The following CREB5 variants were observed in gnomAD, a reference collection of about 807,000 sequenced individuals.
CREB5 encodes cAMP responsive element binding protein 5, also known as cyclic AMP-responsive element-binding protein 5.
In CREB5, 19 loss-of-function variants were observed where a neutral mutation model predicts 57.1. The ratio of observed to expected loss-of-function variants is 0.33; its 90% CI spans 0.23 to 0.49. The LOEUF (loss-of-function observed/expected upper bound fraction) is 0.49. Among genes scored for constraint, CREB5 ranks in the 20% least tolerant of loss-of-function variants. The pLI, the probability that CREB5 is intolerant of heterozygous loss-of-function variation, is 0.99. For synonymous variants in CREB5, 238 were observed against 238.3 expected, an observed-to-expected ratio of 1.00 and a Z score of 0.01; for missense variants, 579 against 671.6, an observed-to-expected ratio of 0.86 and a Z score of 1.52.
chr7:28,786,583 C>T (rs1402760510), intron 7 of CREB5, among the ~76,000 whole-genome samples: 2 of 152,102 alleles, frequency 1.3e-5, no homozygotes, highest in African/African-American at 4.8e-5. Flanking sequence ...TGAATATTTC[C>T]AGGCCCCTCT....
chr7:28,562,407 T>A (rs1795311416), intron 4 of CREB5, among the ~76,000 whole-genome samples: 1 of 152,230 alleles, frequency 6.6e-6, no homozygotes, highest in Non-Finnish European at 1.5e-5. Flanking sequence ...CTCACAGGGA[T>A]GGTTCAGAGC....
At chr7:28,630,495 G>GA (rs1798161429) in intron 5 of CREB5, among the ~76,000 whole-genome samples, 1 of 152,074 alleles carries the variant, frequency 6.6e-6, no homozygotes, top group African/African-American at 2.4e-5. Flanking sequence ...ACCGAGTGCT[G>GA]AAAAAAACAT....
intron 5 of CREB5, among the ~76,000 whole-genome samples, chr7:28,691,654 C>T (rs34729015): frequency 0.11 from 16,052 of 152,008 alleles, 1,105 homozygotes; most frequent in South Asian, 0.2. Context: ...CCAAGAGGCA[C>T]CTTGAGAGTT....
chr7:28,460,076 T>C (rs1488716831), intron 1 of CREB5, among the ~76,000 whole-genome samples: 1 of 152,220 alleles, frequency 6.6e-6, no homozygotes, highest in East Asian at 1.9e-4. Context: ...TGTAATGAGA[T>C]GTATGAAGAC....
intron 7 of CREB5, chr7:28,749,435 C>T (rs1804856016): frequency 3.3e-5 from 5 of 152,180 alleles, no homozygotes; most frequent in Admixed American, 3.3e-4. Context: ...TGCTGCAAAC[C>T]CATTGAGTGG....
intron 1 of CREB5, among the ~76,000 whole-genome samples, chr7:28,383,668 A>G (rs1787014274): frequency 6.6e-6 from 1 of 152,130 alleles, no homozygotes; most frequent in African/African-American, 2.4e-5. Context: ...TACAGCATCA[A>G]GGCGATGGTG....
chr7:28,386,065 A>G (rs892951570), intron 1 of CREB5, among the ~76,000 whole-genome samples: 1 of 152,170 alleles, frequency 6.6e-6, no homozygotes, highest in Non-Finnish European at 1.5e-5. Context: ...CTTTTTTCAC[A>G]TTCCCAATTT....
chr7:28,543,578 TAAAA>T lies in CREB5; in HGVS notation c.292-26767_292-26764del, dbSNP rs34533813. 4.3e-5 allele frequency among the ~76,000 whole-genome samples: 4 copies of T among 92,314 alleles called. No homozygotes were observed. The East Asian group carries it at 8.6e-4, about 20-fold the overall frequency. The allele number at this position is 92,314 out of a possible 152,430, so 60.6% of individuals were successfully genotyped here. Reference sequence around the variant, plus strand: ...TCTGTCTTTCAAATATCATTTTAGGTAAAAAAAAAAAAAAAAAAAAAAAGTGTGA... The same window carrying T: ...TCTGTCTTTCAAATATCATTTTAGGTAAAAAAAAAAAAAAAAAAAGTGTGA... On this transcript the variant is annotated intron_variant, in intron 4 of 10. Coordinates refer to ENST00000357727, the MANE Select transcript of CREB5 (RefSeq NM_182898.4).
At chr7:28,638,419 C>T (rs1464524495) in intron 5 of CREB5, among the ~76,000 whole-genome samples, 1 of 151,184 alleles carries the variant, frequency 6.6e-6, no homozygotes, top group Non-Finnish European at 1.5e-5. Context: ...AATCACAGCT[C>T]ACTCCAACCT....
chr7:28,790,472 G>GAA (rs1374276649), intron 7 of CREB5, among the ~76,000 whole-genome samples: 42 of 124,954 alleles, frequency 3.4e-4, no homozygotes, highest in South Asian at 1.9e-3. Flanking sequence ...TAGAGAGAGA[G>GAA]AGAAAGAAAG....
At chr7:28,354,329 G>A (rs368495360) in intron 1 of CREB5, among the ~76,000 whole-genome samples, 269 of 152,262 alleles carry the variant, frequency 1.8e-3, no homozygotes, top group South Asian at 4.6e-3. Flanking sequence ...AGCTGCCAGC[G>A]CAGCCAGGAT....
chr7:28,730,329 G>A (rs949080680), intron 7 of CREB5, among the ~76,000 whole-genome samples: 2 of 151,070 alleles, frequency 1.3e-5, no homozygotes, highest in Non-Finnish European at 2.9e-5. Context: ...AACTAGGACT[G>A]CAGATGCGCC....
At chr7:28,340,830 C>A (rs1344904904) in intron 1 of CREB5, among the ~76,000 whole-genome samples, 9 of 152,156 alleles carry the variant, frequency 5.9e-5, no homozygotes, top group Non-Finnish European at 1.2e-4. Context: ...ATGGGTGATT[C>A]CCCTCTGGCT....
At chr7:28,717,642 C>A (rs569258419) in intron 5 of CREB5, among the ~76,000 whole-genome samples, 1 of 152,142 alleles carries the variant, frequency 6.6e-6, no homozygotes, top group Non-Finnish European at 1.5e-5. Flanking sequence ...GCAACCTTTG[C>A]CCAGCACTTA....
chr7:28,764,581 C>A (rs1412326725), intron 7 of CREB5, among the ~76,000 whole-genome samples: 1 of 152,110 alleles, frequency 6.6e-6, no homozygotes, highest in Non-Finnish European at 1.5e-5. Flanking sequence ...GAAAGAAAGT[C>A]TGAGCTATAA....
At chr7:28,718,265 G>T (rs1414810673) in intron 5 of CREB5, among the ~76,000 whole-genome samples, 1 of 152,226 alleles carries the variant, frequency 6.6e-6, no homozygotes, top group Non-Finnish European at 1.5e-5. Context: ...ACAGATTTCT[G>T]TTGGGAATTC....
intron 4 of CREB5, among the ~76,000 whole-genome samples, chr7:28,547,039 T>A (rs1794449814): frequency 6.6e-6 from 1 of 152,250 alleles, no homozygotes; most frequent in Non-Finnish European, 1.5e-5. Context: ...TAGAATATAT[T>A]TGTTACTTGA....
chr7:28,726,891 G>A (rs755577737), intron 7 of CREB5, among the ~76,000 whole-genome samples: 6 of 152,056 alleles, frequency 3.9e-5, no homozygotes, highest in Admixed American at 1.3e-4. Flanking sequence ...AATCTCTGGC[G>A]AAACTTGGAG....
At chr7:28,393,379 C>T (rs1286307516) in intron 1 of CREB5, among the ~76,000 whole-genome samples, 2 of 152,192 alleles carry the variant, frequency 1.3e-5, no homozygotes, top group African/African-American at 4.8e-5. Context: ...TCTCTCTGCT[C>T]TATTTCTGCC....
Sources: allele counts gnomAD v4.1 joint callset (sites outside exome capture counted in the v4.1 genomes callset), GRCh38; gene constraint gnomAD v4.1.1; transcripts MANE v1.5; gene names NCBI Gene and HGNC (gene_info 2026-07-23, HGNC 2026-07-21).